Variants in NRG1 observed in about 807,000 individuals in gnomAD.
The protein encoded by NRG1 is neuregulin 1, also known as pro-neuregulin-1, membrane-bound isoform.
Under a neutral mutation model 63.8 loss-of-function variants are expected in NRG1, and 18 were observed. The ratio of observed to expected loss-of-function variants is 0.28; its 90% CI spans 0.19 to 0.42. NRG1 has a LOEUF of 0.42. Among genes scored for constraint, NRG1 ranks in the 10% least tolerant of loss-of-function variants. NRG1 has a pLI of 1.00. For missense variants in NRG1, 762 were observed against 814.7 expected, an observed-to-expected ratio of 0.94 and a Z score of 0.79; for synonymous variants, 302 against 301.3, an observed-to-expected ratio of 1.00 and a Z score of -0.02.
intron 1 of NRG1, among the ~76,000 whole-genome samples, chr8:31,740,323 T>C (rs545557594): frequency 1.4e-4 from 21 of 152,172 alleles, no homozygotes; most frequent in African/African-American, 4.6e-4. Context: ...TATTAAAATG[T>C]TAATTTCAAT....
At chr8:32,417,080 A>C (rs867706933) in intron 1 of NRG1, among the ~76,000 whole-genome samples, 1 of 152,156 alleles carries the variant, frequency 6.6e-6, no homozygotes, top group Non-Finnish European at 1.5e-5. Flanking sequence ...TAAGGTAAAA[A>C]GGGAAAGGCC....
intron 1 of NRG1, among the ~76,000 whole-genome samples, chr8:32,159,523 A>G (rs1169516750): frequency 2.1e-5 from 3 of 146,156 alleles, no homozygotes; most frequent in Non-Finnish European, 4.5e-5. Context: ...CCTGGGCGAC[A>G]GAGCGAGACT....
At chr8:31,667,011 G>A (rs761244079) in intron 1 of NRG1, among the ~76,000 whole-genome samples, 7 of 152,196 alleles carry the variant, frequency 4.6e-5, no homozygotes, top group Non-Finnish European at 8.8e-5. Context: ...AGGAAACTGA[G>A]CCTTAGCAAG....
In NRG1 at chr8:31,903,447, C is replaced by A. The variant is rs530887209; in HGVS notation, c.37+264016C>A. On this transcript the variant is annotated intron_variant, in intron 1 of 10. Coordinates refer to the NRG1 transcript ENST00000519301. ...TACAGACGTGAGCCACCGCGCCCGGCCGAGCCTTCAACTTGATTCTTCCAT... is the reference window on the plus strand; with the variant it reads ...TACAGACGTGAGCCACCGCGCCCGGACGAGCCTTCAACTTGATTCTTCCAT... Among the ~76,000 whole-genome samples, 23 of 151,912 alleles carry A rather than the reference C, an allele frequency of 1.5e-4. 2 individuals are homozygous for A. In the South Asian group the frequency reaches 4.4e-3, roughly 29 times the overall value.
chr8:31,902,399 T>G, intron 1 of NRG1, among the ~76,000 whole-genome samples: 1 of 152,204 alleles, frequency 6.6e-6, no homozygotes, highest in Middle Eastern at 3.2e-3. Flanking sequence ...TTTTTGATTA[T>G]TGGGTCATCT....
At chr8:31,704,544 G>A (rs1267976173) in intron 1 of NRG1, among the ~76,000 whole-genome samples, 1 of 151,942 alleles carries the variant, frequency 6.6e-6, no homozygotes, top group Non-Finnish European at 1.5e-5. Flanking sequence ...AAATTACTAT[G>A]ATTCAGGGCT....
chr8:32,595,696 G>T, intron 1 of NRG1, 132 bp from the exon 2 acceptor site: 1 of 707,522 alleles, frequency 1.4e-6, no homozygotes, highest in South Asian at 3.6e-5. Context: ...CATCCATTTT[G>T]AAATTGTTTT....
intron 1 of NRG1, among the ~76,000 whole-genome samples, chr8:32,341,625 G>T (rs1053641130): frequency 6.6e-6 from 1 of 152,190 alleles, no homozygotes; most frequent in Admixed American, 6.5e-5. Flanking sequence ...CATAGGCACA[G>T]GCAGGGGAGC....
intron 3 of NRG1, among the ~76,000 whole-genome samples, chr8:32,614,136 A>G (rs1474902621): frequency 1.3e-5 from 2 of 152,078 alleles, no homozygotes; most frequent in Non-Finnish European, 2.9e-5. Context: ...AAAGATCTGT[A>G]ACTTAAAAAT....
At chr8:31,688,702 A>G (rs73588312) in intron 1 of NRG1, among the ~76,000 whole-genome samples, 1 of 152,034 alleles carries the variant, frequency 6.6e-6, no homozygotes, top group African/African-American at 2.4e-5. Context: ...TAGATTCACT[A>G]AAGCTTTTAC....
intron 1 of NRG1, among the ~76,000 whole-genome samples, chr8:31,768,587 C>A (rs1395402174): frequency 6.6e-6 from 1 of 152,204 alleles, no homozygotes; most frequent in Non-Finnish European, 1.5e-5. Context: ...TCTCAGGGAG[C>A]AGTTTACACC....
chr8:32,214,738 A>C (rs1845042516), intron 1 of NRG1, among the ~76,000 whole-genome samples: 1 of 152,180 alleles, frequency 6.6e-6, no homozygotes, highest in African/African-American at 2.4e-5. Flanking sequence ...ATCTTAGTTC[A>C]ATTAAAGAAA....
At chr8:32,224,807 C>A (rs1846162326) in intron 1 of NRG1, among the ~76,000 whole-genome samples, 1 of 152,116 alleles carries the variant, frequency 6.6e-6, no homozygotes, top group Non-Finnish European at 1.5e-5. Context: ...TTGCTATCTG[C>A]CTGATCTTCT....
Position 31,770,699 on chromosome 8 carries a change from T to A in NRG1, c.37+131268T>A, listed in dbSNP as rs1171515534. Among the ~76,000 whole-genome samples, 8 of 151,332 alleles carry A rather than the reference T, an allele frequency of 5.3e-5. No homozygotes were observed. In the East Asian group the frequency reaches 1.2e-3, roughly 22 times the overall value. On this transcript the variant is annotated intron_variant, in intron 1 of 10. Transcript: ENST00000519301. ...AGTTAATGGGTGCAGCACACCAACA[T>A]GGTGCATGTATACATATGTAACAAA...
intron 1 of NRG1, among the ~76,000 whole-genome samples, chr8:32,103,597 G>C (rs1830856074): frequency 6.6e-6 from 1 of 152,084 alleles, no homozygotes; most frequent in African/African-American, 2.4e-5. Context: ...TTAGTTTTTT[G>C]GGGAAATCCC....
chr8:32,221,805 T>A (rs985566070), intron 1 of NRG1, among the ~76,000 whole-genome samples: 10 of 152,026 alleles, frequency 6.6e-5, no homozygotes, highest in Non-Finnish European at 1.0e-4. Context: ...GTATTTTTTT[T>A]AAACTGGTCT....
chr8:32,132,066 A>G (rs978050417), intron 1 of NRG1, among the ~76,000 whole-genome samples: 1 of 152,064 alleles, frequency 6.6e-6, no homozygotes, highest in African/African-American at 2.4e-5. Context: ...AATTGGGCTG[A>G]AGCCACTATG....
chr8:32,271,621 A>G (rs748727334), intron 1 of NRG1, among the ~76,000 whole-genome samples: 2 of 152,168 alleles, frequency 1.3e-5, no homozygotes, highest in Non-Finnish European at 2.9e-5. Flanking sequence ...TCAATGGTAC[A>G]ACCTGGTGAA....
At chr8:32,141,676 A>C (rs1836299534) in intron 1 of NRG1, among the ~76,000 whole-genome samples, 1 of 147,168 alleles carries the variant, frequency 6.8e-6, no homozygotes, top group Non-Finnish European at 1.5e-5. Context: ...AAATATTCAC[A>C]ACTTTTCACT....
Sources: allele counts gnomAD v4.1 joint callset (sites outside exome capture counted in the v4.1 genomes callset), GRCh38; gene constraint gnomAD v4.1.1; transcripts MANE v1.5; gene names NCBI Gene and HGNC (gene_info 2026-07-23, HGNC 2026-07-21).